DNASE2B: variants seen among roughly 807,000 people sequenced by gnomAD.
The protein encoded by DNASE2B is deoxyribonuclease-2-beta.
DNASE2B carries 43 observed loss-of-function variants against 46.0 expected under a neutral mutation model. The ratio of observed to expected loss-of-function variants is 0.94; its 90% confidence interval spans 0.73 to 1.21. DNASE2B has a LOEUF of 1.21. Ranked by LOEUF, DNASE2B falls within the 50% of genes most tolerant of loss-of-function variation. The pLI, the probability that DNASE2B is intolerant of heterozygous loss-of-function variation, is 0.00. For synonymous variants in DNASE2B, 156 were observed against 152.5 expected, an observed-to-expected ratio of 1.02 and a Z score of -0.17; for missense variants, 395 against 414.4, an observed-to-expected ratio of 0.95 and a Z score of 0.41.
chr1:84,408,391 G>T, intron 2 of DNASE2B, 46 bp from the exon 3 acceptor site: 1 of 1,563,926 alleles, frequency 6.4e-7, no homozygotes, highest in Non-Finnish European at 8.7e-7. Context: ...GTGGGCGTTT[G>T]TAAGTGGAAG....
intron 2 of DNASE2B, among the ~76,000 whole-genome samples, chr1:84,405,707 T>G (rs373067747): frequency 6.6e-6 from 1 of 152,202 alleles, no homozygotes; most frequent in East Asian, 1.9e-4. Context: ...GTGGAGGTTG[T>G]TAGTGTCATG....
intron 3 of DNASE2B, among the ~76,000 whole-genome samples, chr1:84,408,930 A>C (rs1373075398): frequency 6.6e-6 from 1 of 151,890 alleles, no homozygotes; most frequent in East Asian, 1.9e-4. Context: ...TATAGAGAGT[A>C]AAACGAGCTC....
Position 84,410,952 on chromosome 1 carries a change from A to AAAG in DNASE2B, c.501_503dup (p.Gln167_Ser168insArg), listed in dbSNP as rs780787182. On this transcript the variant is annotated inframe_insertion, in exon 4 of 6. Transcript: ENST00000370665. ...CCACCCACAGGGAGACGAAATGGAC[A>AAAG]AAGTGGCATCTGCATAACTTTCAAG... 4 of 1,612,712 alleles carry AAAG rather than the reference A, an allele frequency of 2.5e-6. No individual in the cohort carries two copies. The African/African-American group carries it at 5.3e-5, about 22-fold the overall frequency.
chr1:84,410,960 AT>A lies in DNASE2B; in HGVS notation c.509del (p.Ile170ThrfsTer3). Reference protein sequence around the residue: ...PTGRRNGQSGICITFKYNQYE... With the variant: ...PTGRRNGQSGXCITFKYNQYE... ...AGGGAGACGAAATGGACAAAGTGGCATCTGCATAACTTTCAAGTACAACCAG... is the reference window on the plus strand; with the variant it reads ...AGGGAGACGAAATGGACAAAGTGGCACTGCATAACTTTCAAGTACAACCAG... On this transcript the variant is annotated frameshift_variant, in exon 4 of 6. Transcript: ENST00000370665. LOFTEE classifies it high-confidence loss of function. The A allele has an allele frequency of 6.2e-7, 1 of 1,612,518 alleles. No homozygotes were observed.
At chr1:84,405,664 A>G (rs1680481298) in intron 2 of DNASE2B, among the ~76,000 whole-genome samples, 1 of 152,208 alleles carries the variant, frequency 6.6e-6, no homozygotes, top group African/African-American at 2.4e-5. Context: ...ACTTTTGACT[A>G]CAGTATGCAA....
chr1:84,412,411 C>A lies in DNASE2B; in HGVS notation c.610C>A (p.Gln204Lys). The change falls in exon 5 of 6, where the codon CAG (glutamine) becomes AAG (lysine). Residue 204 changes from glutamine (Q) to lysine (K), a missense_variant. Transcript: ENST00000370665. ...YSCSIPATFH[Q>K]ELIHMPQLCT... is the part of the protein sequence containing the mutation. Reference sequence around the variant, plus strand: ...CTGCTCCATCCCAGCCACCTTTCACCAGGAGCTCATTCACATGCCCCAGCT... The same window carrying A: ...CTGCTCCATCCCAGCCACCTTTCACAAGGAGCTCATTCACATGCCCCAGCT... The A allele has an allele frequency of 3.1e-6, 5 of 1,613,134 alleles. No individual in the cohort carries two copies. The highest frequency in any genetic ancestry group is 4.2e-6 in the Non-Finnish European group (5 of 1,179,484).
chr1:84,400,004 AG>A (rs1680377710), intron 1 of DNASE2B, among the ~76,000 whole-genome samples: 1 of 152,182 alleles, frequency 6.6e-6, no homozygotes, highest in African/African-American at 2.4e-5. Context: ...GGAAATAGAA[AG>A]AAGGACATGC....
At position 84,410,823 on chromosome 1, in the gene DNASE2B, A is replaced by G; in HGVS notation, c.386-15A>G. 1 of 1,601,848 alleles carries G rather than the reference A, an allele frequency of 6.2e-7. No individual in the cohort carries two copies. Among genetic ancestry groups the G allele is most frequent in the Non-Finnish European group, 8.5e-7 (1 of 1,176,044 alleles). On this transcript the variant is annotated splice_polypyrimidine_tract_variant and intron_variant, in intron 3 of 5. Coordinates refer to ENST00000370665, the MANE Select transcript of DNASE2B (RefSeq NM_021233.3). ...TGTTTTTCTGATTTATCTTTGTTAA[A>G]TGTGTCTTTGGTAGGTTTACTGCTG...
At chr1:84,405,507 T>A (rs1007650340) in intron 2 of DNASE2B, among the ~76,000 whole-genome samples, 1 of 152,154 alleles carries the variant, frequency 6.6e-6, no homozygotes, top group African/African-American at 2.4e-5. Context: ...CAATTCAACA[T>A]CTTCTTATAA....
In DNASE2B at chr1:84,414,705, G is replaced by A. The variant is rs1262431009; in HGVS notation, c.923G>A (p.Trp308Ter). The A allele has an allele frequency of 6.2e-7, 1 of 1,614,010 alleles. No homozygotes were observed. Among genetic ancestry groups the A allele is most frequent in the African/African-American group, 1.3e-5 (1 of 74,898 alleles). ...YFSSYQDHAK[W>*]CISQKGTKNR... ...AGTTCTTATCAAGATCATGCCAAGTGGTGTATTTCCCAAAAGGGCACCAAA... is the reference window on the plus strand; with the variant it reads ...AGTTCTTATCAAGATCATGCCAAGTAGTGTATTTCCCAAAAGGGCACCAAA... Residue 308 changes from tryptophan to a stop codon, truncating the protein, a stop_gained, in exon 6 of 6, where the codon TGG becomes TAG. Transcript: ENST00000370665. LOFTEE classifies it high-confidence loss of function.
chr1:84,398,643 G>A lies in DNASE2B; in HGVS notation c.79G>A (p.Ala27Thr), dbSNP rs769123529. ...CCTTGGCCTCTTTGGGGTGCTGGGGGCAGCAACAATTTCATGCAGAAATGA... is the reference window on the plus strand; with the variant it reads ...CCTTGGCCTCTTTGGGGTGCTGGGGACAGCAACAATTTCATGCAGAAATGA... Reference protein sequence around the residue: ...LFLGLFGVLGAATISCRNEEG... With the variant: ...LFLGLFGVLGTATISCRNEEG... The change falls in exon 1 of 6, where the codon GCA (alanine) becomes ACA (threonine). Residue 27 changes from alanine (A) to threonine (T), a missense_variant. By Grantham distance (58) the Ala-to-Thr change is moderately conservative. Coordinates refer to ENST00000370665, the MANE Select transcript of DNASE2B (RefSeq NM_021233.3). The A allele has an allele frequency of 8.7e-6, 14 of 1,613,724 alleles. No homozygotes were observed. Among genetic ancestry groups the A allele is most frequent in the African/African-American group, 2.7e-5 (2 of 74,892 alleles).
At position 84,402,071 on chromosome 1, in the gene DNASE2B, C is replaced by G. The variant is rs75224341; in HGVS notation, c.296C>G (p.Ala99Gly). 620 of 1,599,970 alleles carry G rather than the reference C, an allele frequency of 3.9e-4. 4 individuals are homozygous for G. In the African/African-American group the frequency reaches 7.8e-3, roughly 20 times the overall value. Reference protein sequence around the residue: ...RTLQQLYEAYASKSNNTAYLI... With the variant: ...RTLQQLYEAYGSKSNNTAYLI... ...TTACAACAGCTATATGAAGCATATG[C>G]CTCTAAGGTATGTTATATAGTTAAT... The change falls in exon 2 of 6, where the codon GCC becomes GGC. Residue 99 changes from alanine to glycine, a missense_variant. Physicochemically the swap from Ala to Gly is moderately conservative, Grantham distance 60 (BLOSUM62 0). Coordinates refer to ENST00000370665, the MANE Select transcript of DNASE2B (RefSeq NM_021233.3).
rs759546683 is a variant in DNASE2B, at chr1:84,412,588, CT to C, written c.745+43del. Reference sequence around the variant, plus strand: ...TCAAACAACATGCTGTATAATTCTGCTGTTGAACTGACTAGGGATAGCTTAG... The same window carrying C: ...TCAAACAACATGCTGTATAATTCTGCGTTGAACTGACTAGGGATAGCTTAG... On this transcript the variant is annotated intron_variant, in intron 5 of 5. Coordinates refer to ENST00000370665, the MANE Select transcript of DNASE2B (RefSeq NM_021233.3). 1.0e-5 allele frequency: 15 copies of C among 1,486,926 alleles called. No homozygotes were observed. The Admixed American group carries it at 2.7e-4, about 26-fold the overall frequency. The allele number at this position is 1,486,926 out of a possible 1,614,324, so 92.1% of individuals were successfully genotyped here.
At chr1:84,406,372 T>C (rs2101849959) in intron 2 of DNASE2B, among the ~76,000 whole-genome samples, 1 of 152,260 alleles carries the variant, frequency 6.6e-6, no homozygotes, top group African/African-American at 2.4e-5. Context: ...TAGATAGGCC[T>C]TCACTTGCCG....
rs71097845 is a variant in DNASE2B, at chr1:84,411,425, G to GGTGT, written c.547+481_547+484dup. On this transcript the variant is annotated intron_variant, in intron 4 of 5. Coordinates refer to ENST00000370665, the MANE Select transcript of DNASE2B (RefSeq NM_021233.3). ...TTCTCATGAAGTACCAGAAACCTAG[G>GGTGT]GTGTGTGTGTGTGTGTGTGTGTGTG... Among the ~76,000 whole-genome samples the GGTGT allele has an allele frequency of 5.7e-5, 8 of 139,348 alleles. 1 individual carries two copies. In the East Asian group the frequency reaches 1.3e-3, roughly 22 times the overall value. 91.4% of individuals were successfully genotyped at this position (139,348 alleles called of 152,430 possible).
At position 84,398,553 on chromosome 1, in the gene DNASE2B, G is replaced by T. The variant is rs1232341440; in HGVS notation, c.-12G>T. ...ATCTATGGGGAAAGTGTCCTGCTGT[G>T]GCATGAAATAAATGAAACAGAAAAT... On this transcript the variant is annotated 5_prime_UTR_variant, in exon 1 of 6. Transcript: ENST00000370665. 3 of 1,613,386 alleles carry T rather than the reference G, an allele frequency of 1.9e-6. No homozygotes were observed. The highest frequency in any genetic ancestry group is 2.5e-6 in the Non-Finnish European group (3 of 1,179,646).
chr1:84,403,743 C>T (rs1188910761), intron 2 of DNASE2B, among the ~76,000 whole-genome samples: 3 of 151,746 alleles, frequency 2.0e-5, no homozygotes, highest in African/African-American at 7.3e-5. Flanking sequence ...TTTCAGTGCC[C>T]GTATCACAGA....
At chr1:84,399,992 A>G (rs1193890035) in intron 1 of DNASE2B, among the ~76,000 whole-genome samples, 3 of 152,144 alleles carry the variant, frequency 2.0e-5, no homozygotes, top group Non-Finnish European at 4.4e-5. Flanking sequence ...AGAAGCGGTC[A>G]TGGAAATAGA....
chr1:84,402,929 A>C (rs535958573), intron 2 of DNASE2B, among the ~76,000 whole-genome samples: 18 of 152,294 alleles, frequency 1.2e-4, no homozygotes, highest in Admixed American at 1.0e-3. Flanking sequence ...GCCCACAACA[A>C]TCCTGTTTTA....
Sources: gnomAD v4.1 joint callset for allele counts (sites outside exome capture counted in the v4.1 genomes callset) on GRCh38, gnomAD v4.1.1 for gene constraint, MANE v1.5 for transcripts, NCBI Gene and HGNC (gene_info 2026-07-23, HGNC 2026-07-21) for gene names.